The following LUZP2 variants were observed in gnomAD, a reference collection of about 807,000 sequenced individuals.
LUZP2 encodes the protein leucine zipper protein 2.
Under a neutral mutation model 51.6 loss-of-function variants are expected in LUZP2, and 52 were observed. That is an observed-to-expected ratio of 1.01 (90% CI 0.81 to 1.27). The LOEUF (loss-of-function observed/expected upper bound fraction) is 1.27. Among genes scored for constraint, LUZP2 ranks in the 50% most tolerant of loss-of-function variants. The probability of loss-of-function intolerance (pLI) is 0.00; values close to 1 mark genes in which losing one functional copy is unlikely to be tolerated. For synonymous variants in LUZP2, 154 were observed against 137.3 expected, an observed-to-expected ratio of 1.12 and a Z score of -0.85; for missense variants, 436 against 395.4, an observed-to-expected ratio of 1.10 and a Z score of -0.87.
At chr11:24,501,767 G>A (rs113739162) in intron 1 of LUZP2, among the ~76,000 whole-genome samples, 2,184 of 152,150 alleles carry the variant, frequency 0.014, 23 homozygotes, top group African/African-American at 0.043. Flanking sequence ...CAATAGATTA[G>A]TTATGTATAT....
intron 9 of LUZP2, among the ~76,000 whole-genome samples, chr11:24,995,465 G>A (rs980609175): frequency 6.6e-6 from 1 of 151,766 alleles, no homozygotes; most frequent in African/African-American, 2.4e-5. Flanking sequence ...TCTTTTAAGG[G>A]GACTCATATT....
In LUZP2 at chr11:24,983,189, C is replaced by T; in HGVS notation, c.661C>T (p.Gln221Ter). The T allele has an allele frequency of 6.2e-7, 1 of 1,612,296 alleles. No homozygotes were observed. The highest frequency in any genetic ancestry group is 1.1e-5 in the South Asian group (1 of 91,032). The change falls in exon 9 of 12, where the codon CAG (glutamine) becomes TAG (stop). Residue 221 changes from glutamine to a stop codon, truncating the protein, a stop_gained. Coordinates refer to ENST00000336930, the MANE Select transcript of LUZP2 (RefSeq NM_001009909.4). LOFTEE classifies it high-confidence loss of function. ...CTGCTTGACATCTGTTTTCCGTGAT[C>T]AGCCTCCTCCCCCTTTGAGTTTAAT... ...QLCLTSVFRD[Q>*]PPPPLSLITS...
chr11:24,700,755 C>T (rs888051640), intron 1 of LUZP2, among the ~76,000 whole-genome samples: 1 of 151,964 alleles, frequency 6.6e-6, no homozygotes, highest in Non-Finnish European at 1.5e-5. Flanking sequence ...AATGACTGTG[C>T]AATCATTTGG....
At chr11:24,800,540 C>CA (rs34615618) in intron 5 of LUZP2, among the ~76,000 whole-genome samples, 87,626 of 140,990 alleles carry the variant, frequency 0.62, 27,819 homozygotes, top group South Asian at 0.74. Flanking sequence ...TCATTTAACT[C>CA]AAAAAAAAAA....
intron 1 of LUZP2, among the ~76,000 whole-genome samples, chr11:24,517,857 G>A (rs1252758705): frequency 6.6e-6 from 1 of 152,032 alleles, no homozygotes; most frequent in African/African-American, 2.4e-5. Flanking sequence ...TGTATAACAG[G>A]CTCTTTTTAA....
chr11:25,048,388 T>C (rs1858386281), intron 9 of LUZP2, among the ~76,000 whole-genome samples: 1 of 152,156 alleles, frequency 6.6e-6, no homozygotes, highest in Non-Finnish European at 1.5e-5. Flanking sequence ...CATGATTCTT[T>C]TAAAATATAC....
intron 9 of LUZP2, among the ~76,000 whole-genome samples, chr11:25,018,098 ATTTGAT>A (rs1341418251): frequency 3.7e-5 from 5 of 134,752 alleles, no homozygotes; most frequent in Non-Finnish European, 8.0e-5. Flanking sequence ...TGACTTCTTG[ATTTGAT>A]ATTCAGCTTG....
chr11:24,948,356 T>C (rs1854957629), intron 7 of LUZP2, among the ~76,000 whole-genome samples: 1 of 148,734 alleles, frequency 6.7e-6, no homozygotes, highest in South Asian at 2.1e-4. Flanking sequence ...AATATTATTT[T>C]CTTTAGTATT....
intron 4 of LUZP2, among the ~76,000 whole-genome samples, chr11:24,753,918 G>C (rs1230718538): frequency 6.6e-6 from 1 of 152,030 alleles, no homozygotes; most frequent in Non-Finnish European, 1.5e-5. Flanking sequence ...ATTCAGACTG[G>C]GGAAAATAGA....
At chr11:24,602,549 C>T (rs899080769) in intron 1 of LUZP2, among the ~76,000 whole-genome samples, 11 of 151,322 alleles carry the variant, frequency 7.3e-5, no homozygotes, top group African/African-American at 2.7e-4. Flanking sequence ...AAGATTTAGA[C>T]TCAGAATTTT....
At chr11:24,757,353 TAA>T (rs556625545) in intron 4 of LUZP2, among the ~76,000 whole-genome samples, 178 of 152,308 alleles carry the variant, frequency 1.2e-3, no homozygotes, top group African/African-American at 4.0e-3. Context: ...ATAATTTTTA[TAA>T]GAGGTCAAAT....
At chr11:25,024,861 A>C (rs1164411637) in intron 9 of LUZP2, among the ~76,000 whole-genome samples, 1 of 146,620 alleles carries the variant, frequency 6.8e-6, no homozygotes, top group South Asian at 2.2e-4. Context: ...CATAAGAACA[A>C]AGCTGGAGGC....
intron 5 of LUZP2, among the ~76,000 whole-genome samples, chr11:24,766,893 C>A (rs775532636): frequency 6.6e-6 from 1 of 152,098 alleles, no homozygotes; most frequent in Non-Finnish European, 1.5e-5. Context: ...TCCTGAGTAG[C>A]TGGGACTACA....
At chr11:24,798,824 T>TA (rs11417652) in intron 5 of LUZP2, among the ~76,000 whole-genome samples, 149,802 of 152,096 alleles carry the variant, frequency 0.98, 73,805 homozygotes, top group Non-Finnish European at 1. Context: ...GGACTCAAGG[T>TA]TATTTCCTGT....
At chr11:24,763,021 A>T (rs887416094) in intron 4 of LUZP2, 19 of 752,188 alleles carry the variant, frequency 2.5e-5, no homozygotes, top group African/African-American at 2.1e-4. Context: ...TTTAAAAAAA[A>T]AATAATAAAT....
intron 1 of LUZP2, among the ~76,000 whole-genome samples, chr11:24,585,421 C>A (rs941803381): frequency 3.3e-5 from 5 of 152,100 alleles, no homozygotes; most frequent in African/African-American, 9.7e-5. Flanking sequence ...AATTTTATAT[C>A]TTTTACTTTT....
intron 1 of LUZP2, among the ~76,000 whole-genome samples, chr11:24,567,072 A>T (rs570529088): frequency 6.7e-6 from 1 of 149,568 alleles, no homozygotes; most frequent in Non-Finnish European, 1.5e-5. Flanking sequence ...TGATCTCTTG[A>T]CCTTGTGATC....
intron 9 of LUZP2, among the ~76,000 whole-genome samples, chr11:25,028,558 C>T (rs941504840): frequency 1.3e-5 from 2 of 152,094 alleles, no homozygotes; most frequent in South Asian, 2.1e-4. Context: ...CATCTTTGCA[C>T]GTTCTCATTT....
chr11:25,062,704 G>A (rs1041532925), intron 10 of LUZP2, among the ~76,000 whole-genome samples: 1 of 148,028 alleles, frequency 6.8e-6, no homozygotes, highest in Non-Finnish European at 1.5e-5. Context: ...TATGACATTT[G>A]ACAATACCGA....
Sources: allele counts gnomAD v4.1 joint callset (sites outside exome capture counted in the v4.1 genomes callset), GRCh38; gene constraint gnomAD v4.1.1; transcripts MANE v1.5; gene names NCBI Gene and HGNC (gene_info 2026-07-23, HGNC 2026-07-21).